The following PLXDC2 variants were observed in gnomAD, a reference collection of about 807,000 sequenced individuals.
PLXDC2 encodes plexin domain-containing protein 2.
In PLXDC2, 40 loss-of-function variants were observed where a neutral mutation model predicts 68.9. That is an observed-to-expected ratio of 0.58 (90% CI 0.45 to 0.76). The LOEUF (loss-of-function observed/expected upper bound fraction) is 0.76, where lower values mean the gene tolerates loss of function less well. Among genes scored for constraint, PLXDC2 ranks in the 30% least tolerant of loss-of-function variants. The pLI, the probability that PLXDC2 is intolerant of heterozygous loss-of-function variation, is 0.00. For missense variants in PLXDC2, 644 were observed against 661.9 expected, an observed-to-expected ratio of 0.97 and a Z score of 0.30; for synonymous variants, 243 against 234.2, an observed-to-expected ratio of 1.04 and a Z score of -0.34.
intron 1 of PLXDC2, among the ~76,000 whole-genome samples, chr10:19,994,312 A>ATTTTTTTTTTTTTTTTTTTTTTTTTTT (rs869124443): frequency 2.6e-4 from 9 of 34,326 alleles, no homozygotes; most frequent in Non-Finnish European, 3.0e-4. Context: ...ACATGATTAA[A>ATTTTTTTTTTTTTTTTTTTTTTTTTTT]TTTTTTTTTT....
At chr10:20,209,267 C>A (rs183896013) in intron 9 of PLXDC2, among the ~76,000 whole-genome samples, 1 of 152,054 alleles carries the variant, frequency 6.6e-6, no homozygotes, top group Non-Finnish European at 1.5e-5. Flanking sequence ...GCCCCTGAAG[C>A]GGCCATTTCA....
intron 10 of PLXDC2, among the ~76,000 whole-genome samples, chr10:20,212,347 A>G (rs774193656): frequency 8.5e-5 from 13 of 152,254 alleles, no homozygotes; most frequent in Non-Finnish European, 1.3e-4. Context: ...GAGATGGTAT[A>G]ATGTTAACTC....
chr10:20,288,244 C>T lies in PLXDC2; in HGVS notation c.*8425C>T, dbSNP rs1036176909. 3 of 152,248 alleles carry T rather than the reference C, an allele frequency of 2.0e-5. No homozygotes were observed. Among genetic ancestry groups the T allele is most frequent in the Admixed American group, 6.5e-5 (1 of 15,300 alleles). 9.4% of individuals were successfully genotyped at this position (152,248 alleles called of 1,614,324 possible). Reference sequence around the variant, plus strand: ...GTTTTGGAAAGCCCTGTGTGCCAAACCAAGGACGTGTCTTTCAGGGAAAGG... The same window carrying T: ...GTTTTGGAAAGCCCTGTGTGCCAAATCAAGGACGTGTCTTTCAGGGAAAGG... On this transcript the variant is annotated 3_prime_UTR_variant, in exon 14 of 14. Coordinates refer to ENST00000377252, the MANE Select transcript of PLXDC2 (RefSeq NM_032812.9).
chr10:19,870,013 A>G (rs990195383), intron 1 of PLXDC2, among the ~76,000 whole-genome samples: 1 of 152,226 alleles, frequency 6.6e-6, no homozygotes, highest in Non-Finnish European at 1.5e-5. Flanking sequence ...GGAACAAGAT[A>G]AAGGTAATTT....
intron 1 of PLXDC2, among the ~76,000 whole-genome samples, chr10:19,988,657 T>C (rs1834689722): frequency 6.6e-6 from 1 of 151,904 alleles, no homozygotes; most frequent in African/African-American, 2.4e-5. Flanking sequence ...AGGGATAAAA[T>C]CAAATGTTGT....
chr10:20,183,116 TAA>T (rs962011717), intron 9 of PLXDC2, among the ~76,000 whole-genome samples: 8 of 151,950 alleles, frequency 5.3e-5, no homozygotes, highest in Admixed American at 1.3e-4. Context: ...TGAAAAGAAA[TAA>T]AGAGTTTGCT....
At chr10:20,083,023 G>A (rs1836598052) in intron 4 of PLXDC2, among the ~76,000 whole-genome samples, 1 of 151,950 alleles carries the variant, frequency 6.6e-6, no homozygotes, top group African/African-American at 2.4e-5. Context: ...AAATAATTTG[G>A]AAGAAAAGTA....
intron 1 of PLXDC2, among the ~76,000 whole-genome samples, chr10:19,888,406 A>C (rs1027592793): frequency 6.6e-6 from 1 of 152,152 alleles, no homozygotes; most frequent in African/African-American, 2.4e-5. Flanking sequence ...AACCATTTCA[A>C]CAGGAATGGA....
chr10:19,880,245 A>G (rs1278975874), intron 1 of PLXDC2, among the ~76,000 whole-genome samples: 1 of 152,208 alleles, frequency 6.6e-6, no homozygotes, highest in Non-Finnish European at 1.5e-5. Context: ...TACTTTTCTT[A>G]AAAAACATAC....
At chr10:19,892,816 T>G (rs1426188934) in intron 1 of PLXDC2, among the ~76,000 whole-genome samples, 1 of 152,142 alleles carries the variant, frequency 6.6e-6, no homozygotes, top group African/African-American at 2.4e-5. Context: ...TCAATAAGGA[T>G]TTTGTTTATC....
chr10:20,071,648 T>C lies in PLXDC2; in HGVS notation c.541+3409T>C, dbSNP rs577047554. Among the ~76,000 whole-genome samples, 11 of 152,296 alleles carry C rather than the reference T, an allele frequency of 7.2e-5. No homozygotes were observed. In the East Asian group the frequency reaches 1.7e-3, roughly 24 times the overall value. On this transcript the variant is annotated intron_variant, in intron 4 of 13. Transcript: ENST00000377252. ...CAACTGTGAGTCCATTAAACCTGTT[T>C]CCTTTATAAATTACCCAGTCTTGGG... is the stretch of plus-strand genomic sequence containing the variant.
At position 20,280,479 on chromosome 10, in the gene PLXDC2, C is replaced by CT. The variant is rs1377205631; in HGVS notation, c.*663dup. 1.3e-5 allele frequency: 2 copies of CT among 152,154 alleles called. No individual in the cohort carries two copies. The highest frequency in any genetic ancestry group is 3.9e-4 in the East Asian group (2 of 5,188). The allele number at this position is 152,154 out of a possible 1,614,324, so 9.4% of individuals were successfully genotyped here. On this transcript the variant is annotated 3_prime_UTR_variant, in exon 14 of 14. Coordinates refer to ENST00000377252, the MANE Select transcript of PLXDC2 (RefSeq NM_032812.9). ...AGGTTCAAACCATGTCTGCCTCTTC[C>CT]TTTGTAATGAATGACCTTTCTATGA...
At position 19,839,572 on chromosome 10, in the gene PLXDC2, C is replaced by T. The variant is rs116895649; in HGVS notation, c.112+22381C>T. Among the ~76,000 whole-genome samples the T allele has an allele frequency of 2.9e-3, 435 of 151,912 alleles. 10 individuals are homozygous for T. The East Asian group carries it at 0.056, about 19-fold the overall frequency. Reference sequence around the variant, plus strand: ...TCTGTGTACTTGGGAAATTGCTTCACCCTTAATTCTTTGGTTTTGTCTTCT... The same window carrying T: ...TCTGTGTACTTGGGAAATTGCTTCATCCTTAATTCTTTGGTTTTGTCTTCT... On this transcript the variant is annotated intron_variant, in intron 1 of 13. Coordinates refer to ENST00000377252, the MANE Select transcript of PLXDC2 (RefSeq NM_032812.9).
At chr10:20,228,588 A>AAGCC (rs1835316839) in intron 12 of PLXDC2, among the ~76,000 whole-genome samples, 1 of 125,452 alleles carries the variant, frequency 8.0e-6, no homozygotes, top group Non-Finnish European at 1.8e-5. Context: ...AAAAGGCAGG[A>AAGCC]AGGCAGGAAG....
intron 13 of PLXDC2, among the ~76,000 whole-genome samples, chr10:20,247,881 G>A (rs1227133991): frequency 6.6e-6 from 1 of 152,156 alleles, no homozygotes; most frequent in Non-Finnish European, 1.5e-5. Flanking sequence ...ATCTTCATTT[G>A]ATATCAGTAA....
intron 1 of PLXDC2, among the ~76,000 whole-genome samples, chr10:19,839,186 CAAAAA>C (rs3043806): frequency 7.9e-5 from 8 of 100,982 alleles, no homozygotes; most frequent in African/African-American, 1.2e-4. Context: ...AACTCAGTCT[CAAAAA>C]AAAAAAAAAA....
chr10:20,201,949 CTACTT>C (rs1294748599), intron 9 of PLXDC2, among the ~76,000 whole-genome samples: 2 of 152,122 alleles, frequency 1.3e-5, no homozygotes, highest in African/African-American at 4.8e-5. Context: ...TGGGATACAC[CTACTT>C]TAGTTTGTGA....
intron 1 of PLXDC2, among the ~76,000 whole-genome samples, chr10:19,963,347 C>T (rs1278393684): frequency 6.6e-6 from 1 of 152,136 alleles, no homozygotes; most frequent in Non-Finnish European, 1.5e-5. Context: ...AGAAAATGTC[C>T]ACTGAGAGCA....
chr10:19,899,665 A>C (rs1041415388), intron 1 of PLXDC2, among the ~76,000 whole-genome samples: 2 of 152,170 alleles, frequency 1.3e-5, no homozygotes, highest in Non-Finnish European at 2.9e-5. Context: ...TATGGGGAAA[A>C]AGTGAAGTTG....
Sources: gnomAD v4.1 joint callset for allele counts (sites outside exome capture counted in the v4.1 genomes callset) on GRCh38, gnomAD v4.1.1 for gene constraint, MANE v1.5 for transcripts, NCBI Gene and HGNC (gene_info 2026-07-23, HGNC 2026-07-21) for gene names.